Variants in NIPAL2 observed in about 807,000 individuals in gnomAD.
NIPAL2 encodes NIPA like domain containing 2.
A neutral mutation model predicts 48.9 loss-of-function variants in NIPAL2; 43 were observed. The ratio of observed to expected loss-of-function variants is 0.88; its 90% CI spans 0.69 to 1.13. The LOEUF (loss-of-function observed/expected upper bound fraction) is 1.13, where lower values mean the gene tolerates loss of function less well. NIPAL2 is among the 50% of genes most tolerant of loss of function. NIPAL2 has a pLI of 0.00. For missense variants in NIPAL2, 446 were observed against 461.4 expected, an observed-to-expected ratio of 0.97 and a Z score of 0.31; for synonymous variants, 167 against 174.6, an observed-to-expected ratio of 0.96 and a Z score of 0.34.
chr8:98,209,414 G>A (rs1361057791), intron 6 of NIPAL2, among the ~76,000 whole-genome samples: 3 of 129,408 alleles, frequency 2.3e-5, no homozygotes, highest in African/African-American at 8.7e-5. Context: ...TTTGCAACCA[G>A]CCCGGGCAGC....
At chr8:98,240,779 G>A (rs1676806503) in intron 3 of NIPAL2, among the ~76,000 whole-genome samples, 1 of 152,200 alleles carries the variant, frequency 6.6e-6, no homozygotes, top group South Asian at 2.1e-4. Flanking sequence ...CACTCCAGGT[G>A]AAAAGAAGAA....
intron 5 of NIPAL2, 132 bp from the exon 6 acceptor site, chr8:98,212,633 A>G: frequency 1.7e-6 from 1 of 573,446 alleles, no homozygotes; most frequent in Non-Finnish European, 3.1e-6. Flanking sequence ...GGGATGACAC[A>G]GGAGAGCAGT....
intron 4 of NIPAL2, among the ~76,000 whole-genome samples, chr8:98,226,937 G>C (rs1208304270): frequency 1.3e-5 from 2 of 152,104 alleles, no homozygotes; most frequent in African/African-American, 4.8e-5. Flanking sequence ...AAATTTACCT[G>C]GTGTTCTATT....
chr8:98,254,393 C>G (rs550468039), intron 1 of NIPAL2, among the ~76,000 whole-genome samples: 2 of 152,108 alleles, frequency 1.3e-5, no homozygotes, highest in Non-Finnish European at 2.9e-5. Flanking sequence ...CTGCTTCTTA[C>G]GTATCCTTTC....
At chr8:98,261,960 T>A in intron 1 of NIPAL2, among the ~76,000 whole-genome samples, 1 of 56,416 alleles carries the variant, frequency 1.8e-5, no homozygotes, top group Non-Finnish European at 3.6e-5. Context: ...CAGAGGAGAG[T>A]GGGGGCCAAT....
intron 5 of NIPAL2, among the ~76,000 whole-genome samples, chr8:98,219,871 C>G (rs1470768958): frequency 2.0e-5 from 3 of 152,148 alleles, no homozygotes; most frequent in Non-Finnish European, 4.4e-5. Context: ...AGCAAAGTCC[C>G]CTACCTCCTT....
intron 1 of NIPAL2, among the ~76,000 whole-genome samples, chr8:98,280,463 C>T (rs141545104): frequency 6.6e-6 from 1 of 151,882 alleles, no homozygotes. Context: ...TGATTTAGGT[C>T]AACTAATTAC....
chr8:98,280,761 T>TATATATATATAGAGAGAGAGAGAG, intron 1 of NIPAL2, among the ~76,000 whole-genome samples: 58 of 29,996 alleles, frequency 1.9e-3, no homozygotes, highest in South Asian at 4.5e-3. Context: ...TATATATATA[T>TATATATATATAGAGAGAGAGAGAG]AGAGAGAGAG....
chr8:98,256,324 A>T (rs1813889606), intron 1 of NIPAL2, among the ~76,000 whole-genome samples: 1 of 152,188 alleles, frequency 6.6e-6, no homozygotes, highest in Admixed American at 6.5e-5. Flanking sequence ...TGCCTGGCTG[A>T]GATTAACAAC....
Position 98,286,082 on chromosome 8 carries a change from A to T in NIPAL2, c.135+7921T>A, listed in dbSNP as rs377286450. Among the ~76,000 whole-genome samples, 33 of 152,284 alleles carry T rather than the reference A, an allele frequency of 2.2e-4. No homozygotes were observed. In the East Asian group the frequency reaches 6.0e-3, roughly 28 times the overall value. On this transcript the variant is annotated intron_variant, in intron 1 of 10. Transcript: ENST00000430223. ...GTTTCTGGAGTAGGTTTCTTATAAA[A>T]GCAACTTTGGCCCTCTCTTGCTTTC... is the stretch of plus-strand genomic sequence containing the variant.
intron 4 of NIPAL2, 125 bp from the exon 5 acceptor site, chr8:98,222,725 G>A: frequency 2.2e-6 from 2 of 892,384 alleles, no homozygotes; most frequent in Non-Finnish European, 3.4e-6. Flanking sequence ...ATTATACTCC[G>A]TTTCATCAAA....
intron 1 of NIPAL2, among the ~76,000 whole-genome samples, chr8:98,285,146 T>G (rs2130910923): frequency 6.6e-6 from 1 of 152,316 alleles, no homozygotes; most frequent in African/African-American, 2.4e-5. Flanking sequence ...TGGGTTATTC[T>G]GGGGAGCCGC....
intron 5 of NIPAL2, among the ~76,000 whole-genome samples, chr8:98,220,199 G>C (rs1438717500): frequency 6.6e-6 from 1 of 152,132 alleles, no homozygotes; most frequent in Non-Finnish European, 1.5e-5. Context: ...TAGAATTCTT[G>C]TCATATACAC....
At chr8:98,274,677 T>C (rs2130885785) in intron 1 of NIPAL2, among the ~76,000 whole-genome samples, 1 of 152,200 alleles carries the variant, frequency 6.6e-6, no homozygotes, top group Non-Finnish European at 1.5e-5. Flanking sequence ...TACATTTTAG[T>C]TGGATCTCTT....
chr8:98,251,968 T>A (rs1355577018), intron 3 of NIPAL2, among the ~76,000 whole-genome samples: 1 of 152,204 alleles, frequency 6.6e-6, no homozygotes, highest in Non-Finnish European at 1.5e-5. Context: ...GTAAATTACA[T>A]AAAATTTCAA....
At chr8:98,219,635 C>T (rs541820461) in intron 5 of NIPAL2, among the ~76,000 whole-genome samples, 1 of 152,322 alleles carries the variant, frequency 6.6e-6, no homozygotes, top group African/African-American at 2.4e-5. Context: ...AATGTAAATA[C>T]TCTAGAACTT....
chr8:98,195,034 C>A (rs1810480776), intron 9 of NIPAL2, among the ~76,000 whole-genome samples: 1 of 152,222 alleles, frequency 6.6e-6, no homozygotes. Flanking sequence ...AGATCTCTGG[C>A]CCAGGTTTTT....
chr8:98,220,408 A>ATTTT (rs71273110), intron 5 of NIPAL2, among the ~76,000 whole-genome samples: 13 of 140,808 alleles, frequency 9.2e-5, no homozygotes, highest in African/African-American at 1.1e-4. Flanking sequence ...GTGTGCTTTG[A>ATTTT]TTTTTTTTTT....
chr8:98,252,548 C>A lies in NIPAL2; in HGVS notation c.291G>T (p.Met97Ile), dbSNP rs760274900. 6 of 1,614,134 alleles carry A rather than the reference C, an allele frequency of 3.7e-6. No individual in the cohort carries two copies. The highest frequency in any genetic ancestry group is 5.1e-6 in the Non-Finnish European group (6 of 1,180,040). Residue 97 changes from methionine (M) to isoleucine (I), a missense_variant, in exon 3 of 11, where the codon ATG (methionine) becomes ATT (isoleucine). Met to Ile is a conservative substitution (Grantham distance 10). Transcript: ENST00000430223. Reference sequence around the variant, plus strand: ...CAAAGTTCCCCGTCTCTCCCACGGCCATCAGCAGGACACCACCCCACCACA... The same window carrying A: ...CAAAGTTCCCCGTCTCTCCCACGGCAATCAGCAGGACACCACCCCACCACA... ...SVLWWGGVLL[M>I]AVGETGNFAA...
Sources: gnomAD v4.1 joint callset for allele counts (sites outside exome capture counted in the v4.1 genomes callset) on GRCh38, gnomAD v4.1.1 for gene constraint, MANE v1.5 for transcripts, NCBI Gene and HGNC (gene_info 2026-07-23, HGNC 2026-07-21) for gene names.